The following GABRA5 variants were observed in gnomAD, a reference collection of about 807,000 sequenced individuals.
The protein encoded by GABRA5 is gamma-aminobutyric acid receptor subunit alpha-5.
In GABRA5, 18 loss-of-function variants were observed where a neutral mutation model predicts 47.3. The ratio of observed to expected loss-of-function variants is 0.38; its 90% CI spans 0.26 to 0.56. The LOEUF is 0.56. Ranked by LOEUF, GABRA5 falls within the 20% of genes least tolerant of loss-of-function variation. The pLI, the probability that GABRA5 is intolerant of heterozygous loss-of-function variation, is 0.71. For synonymous variants in GABRA5, 237 were observed against 229.3 expected, an observed-to-expected ratio of 1.03 and a Z score of -0.30; for missense variants, 365 against 599.3, an observed-to-expected ratio of 0.61 and a Z score of 4.08.
intron 3 of GABRA5, among the ~76,000 whole-genome samples, chr15:26,876,630 G>A (rs1892603021): frequency 6.6e-6 from 1 of 152,172 alleles, no homozygotes. Flanking sequence ...TGAAGGCCTG[G>A]CAGAGTGGTT....
chr15:26,876,276 G>A (rs1255956231), intron 3 of GABRA5, among the ~76,000 whole-genome samples: 1 of 152,206 alleles, frequency 6.6e-6, no homozygotes, highest in Non-Finnish European at 1.5e-5. Context: ...TGGGCTGGAG[G>A]TGTGGACCTG....
intron 7 of GABRA5, among the ~76,000 whole-genome samples, chr15:26,924,499 G>GCTC (rs1893912926): frequency 6.6e-6 from 1 of 152,166 alleles, no homozygotes; most frequent in Non-Finnish European, 1.5e-5. Flanking sequence ...AGTTGCCCCT[G>GCTC]CTGGTTTAGA....
Position 26,870,411 on chromosome 15 carries a change from AC to A in GABRA5, c.86+1081del, listed in dbSNP as rs796777466. On this transcript the variant is annotated intron_variant, in intron 3 of 10. Coordinates refer to ENST00000335625, the MANE Select transcript of GABRA5 (RefSeq NM_000810.4). ...AGCATTGGGACTTTAGTCCACATCC[AC>A]CCCGGGGCAAGCCTGAGCCATCAGC... Among the ~76,000 whole-genome samples the A allele has an allele frequency of 9.2e-5, 14 of 152,110 alleles. No homozygotes were observed. In the South Asian group the frequency reaches 2.3e-3, roughly 25 times the overall value.
At chr15:26,927,834 C>T (rs1893997582) in intron 7 of GABRA5, among the ~76,000 whole-genome samples, 1 of 152,162 alleles carries the variant, frequency 6.6e-6, no homozygotes, top group Non-Finnish European at 1.5e-5. Flanking sequence ...TGTCATTATT[C>T]TAATGAGCCA....
At chr15:26,884,549 C>T (rs1230815489) in intron 6 of GABRA5, among the ~76,000 whole-genome samples, 1 of 152,046 alleles carries the variant, frequency 6.6e-6, no homozygotes, top group East Asian at 1.9e-4. Context: ...TGGAATTTCT[C>T]TATCTTGCTA....
chr15:26,927,403 C>T (rs1195443504), intron 7 of GABRA5, among the ~76,000 whole-genome samples: 9 of 152,074 alleles, frequency 5.9e-5, no homozygotes, highest in African/African-American at 2.2e-4. Flanking sequence ...TGCACCACTG[C>T]GCCCGGCATA....
In GABRA5 at chr15:26,947,263, T is replaced by C. The variant is rs1894533663; in HGVS notation, c.1090-671T>C. Among the ~76,000 whole-genome samples the C allele has an allele frequency of 2.0e-5, 3 of 152,200 alleles. No individual in the cohort carries two copies. In the South Asian group the frequency reaches 6.2e-4, roughly 31 times the overall value. ...GAGGTACATGTGCAGGTTTGTTGTA[T>C]AGGTAACTCATGTCATGGGAGTTTG... On this transcript the variant is annotated intron_variant, in intron 10 of 10. Coordinates refer to ENST00000335625, the MANE Select transcript of GABRA5 (RefSeq NM_000810.4).
chr15:26,896,082 G>C (rs918196083), intron 6 of GABRA5, among the ~76,000 whole-genome samples: 5 of 152,006 alleles, frequency 3.3e-5, no homozygotes, highest in African/African-American at 1.2e-4. Flanking sequence ...TCCCTTGCTG[G>C]GCAACCGCTG....
In GABRA5 at chr15:26,867,689, A is replaced by G. The variant is rs1049978689; in HGVS notation, c.-140+578A>G. On this transcript the variant is annotated intron_variant, in intron 1 of 10. Coordinates refer to ENST00000335625, the MANE Select transcript of GABRA5 (RefSeq NM_000810.4). The surrounding 1 kb of genome is among the most constrained non-coding windows in gnomAD (Gnocchi z 5.9). The stretch of plus-strand genomic sequence containing the variant: ...GGGGTGGGGGACACCCGTTGCCACC[A>G]TCACGGGAGCCGGAGGGGTGAGATC... 10 of 151,924 alleles carry G rather than the reference A, an allele frequency of 6.6e-5. No homozygotes were observed. The highest frequency in any genetic ancestry group is 1.5e-5 in the Non-Finnish European group (1 of 67,986). 9.4% of individuals were successfully genotyped at this position (151,924 alleles called of 1,614,324 possible). A position where few individuals can be genotyped will look rare whatever the true frequency, so the allele number is the denominator to read the frequency against.
chr15:26,870,803 A>G (rs1892448448), intron 3 of GABRA5, among the ~76,000 whole-genome samples: 1 of 152,228 alleles, frequency 6.6e-6, no homozygotes, highest in African/African-American at 2.4e-5. Context: ...CATCTAATGC[A>G]TTAGGTAGTT....
chr15:26,926,084 T>C (rs558648870), intron 7 of GABRA5, among the ~76,000 whole-genome samples: 1 of 152,300 alleles, frequency 6.6e-6, no homozygotes, highest in Admixed American at 6.5e-5. Context: ...TTTAGGTTCT[T>C]CAAGCAAGGG....
intron 6 of GABRA5, among the ~76,000 whole-genome samples, chr15:26,895,705 C>A (rs1274391268): frequency 2.0e-5 from 3 of 151,004 alleles, no homozygotes; most frequent in African/African-American, 7.3e-5. Flanking sequence ...CCCAGCTACT[C>A]GGGAGGCGGA....
At chr15:26,909,235 A>G (rs1373565081) in intron 6 of GABRA5, among the ~76,000 whole-genome samples, 2 of 152,002 alleles carry the variant, frequency 1.3e-5, no homozygotes, top group Admixed American at 6.6e-5. Context: ...CCGCCATCAG[A>G]TTTCCTGCTC....
At chr15:26,890,138 C>T (rs1892970049) in intron 6 of GABRA5, among the ~76,000 whole-genome samples, 1 of 152,040 alleles carries the variant, frequency 6.6e-6, no homozygotes, top group Non-Finnish European at 1.5e-5. Context: ...TCTGTGATAA[C>T]ATTCTGGTCC....
intron 6 of GABRA5, among the ~76,000 whole-genome samples, chr15:26,884,711 A>C (rs1892830568): frequency 6.6e-6 from 1 of 152,202 alleles, no homozygotes; most frequent in Non-Finnish European, 1.5e-5. Flanking sequence ...GGGAAAAAAA[A>C]ATCAAGCTTT....
In GABRA5 at chr15:26,883,300, G is replaced by T; in HGVS notation, c.277-37G>T. Reference sequence around the variant, plus strand: ...CGCCGCAGGCCCCCGCCCAGGCCCCGTGCCCTCTGACTGCCTCGTGCCTTC... The same window carrying T: ...CGCCGCAGGCCCCCGCCCAGGCCCCTTGCCCTCTGACTGCCTCGTGCCTTC... On this transcript the variant is annotated intron_variant, in intron 5 of 10. Transcript: ENST00000335625. This position sits in a 1 kb window ranked among gnomAD's most constrained non-coding sequence, Gnocchi z 4.8. The T allele has an allele frequency of 6.2e-7, 1 of 1,611,528 alleles. No homozygotes were observed. The highest frequency in any genetic ancestry group is 1.3e-5 in the African/African-American group (1 of 75,004).
chr15:26,874,427 G>A (rs974218133), intron 3 of GABRA5, among the ~76,000 whole-genome samples: 1 of 152,120 alleles, frequency 6.6e-6, no homozygotes, highest in African/African-American at 2.4e-5. Context: ...CCATCTGAAA[G>A]TGATAAAAGC....
intron 7 of GABRA5, among the ~76,000 whole-genome samples, chr15:26,930,083 G>A (rs1201902182): frequency 6.8e-5 from 10 of 147,006 alleles, no homozygotes; most frequent in Non-Finnish European, 1.3e-4. Context: ...GCAATGGCAC[G>A]ATCACTGCAA....
At position 26,888,273 on chromosome 15, in the gene GABRA5, A is replaced by G. The variant is rs1409091847; in HGVS notation, c.497+4716A>G. 2.6e-5 allele frequency among the ~76,000 whole-genome samples: 4 copies of G among 152,222 alleles called. No individual in the cohort carries two copies. In the East Asian group the frequency reaches 7.7e-4, roughly 29 times the overall value. Reference sequence around the variant, plus strand: ...AATCAGCCCAAAGAGAGCAGCAAACATCTCCTGTTGCGTCCTCAAGAGGCT... The same window carrying G: ...AATCAGCCCAAAGAGAGCAGCAAACGTCTCCTGTTGCGTCCTCAAGAGGCT... On this transcript the variant is annotated intron_variant, in intron 6 of 10. Coordinates refer to ENST00000335625, the MANE Select transcript of GABRA5 (RefSeq NM_000810.4).
Sources: gnomAD v4.1 joint callset for allele counts (sites outside exome capture counted in the v4.1 genomes callset) on GRCh38, gnomAD v4.1.1 for gene constraint, Gnocchi (gnomAD v3.1) non-coding constraint, MANE v1.5 for transcripts, NCBI Gene and HGNC (gene_info 2026-07-23, HGNC 2026-07-21) for gene names.